NKAIN3: variants seen among roughly 807,000 people sequenced by gnomAD.
The protein encoded by NKAIN3 is sodium/potassium-transporting ATPase subunit beta-1-interacting protein 3.
NKAIN3 carries 25 observed loss-of-function variants against 30.2 expected under a neutral mutation model. That is an observed-to-expected ratio of 0.83 (90% CI 0.60 to 1.16). The LOEUF is 1.16. Ranked by LOEUF, NKAIN3 falls within the 50% of genes most tolerant of loss-of-function variation. The probability of loss-of-function intolerance (pLI) is 0.00; values close to 1 mark genes in which losing one functional copy is unlikely to be tolerated. For missense variants in NKAIN3, 225 were observed against 254.1 expected (o/e 0.89, Z 0.78); for synonymous variants, 91 against 89.6 (o/e 1.02, Z -0.09).
Position 62,811,105 on chromosome 8 carries a change from T to C in NKAIN3, c.471+63976T>C, listed in dbSNP as rs117682961. On this transcript the variant is annotated intron_variant, in intron 4 of 6. Coordinates refer to ENST00000623646, the MANE Select transcript of NKAIN3 (RefSeq NM_001304533.3). ...ACAATCCCTACTCTGTTCTCTGTTG[T>C]TATATGTTGTCATCTCAAGAATTTT... Among the ~76,000 whole-genome samples, 1,382 of 152,214 alleles carry C rather than the reference T, an allele frequency of 9.1e-3. 12 individuals carry two copies. The highest frequency in any genetic ancestry group is 0.015 in the Non-Finnish European group (988 of 67,996).
At chr8:62,958,616 A>G (rs1374481648) in intron 6 of NKAIN3, among the ~76,000 whole-genome samples, 2 of 152,228 alleles carry the variant, frequency 1.3e-5, no homozygotes, top group Non-Finnish European at 2.9e-5. Context: ...GAAGAGGGTT[A>G]GCAAAAGCAG....
At chr8:62,642,982 G>A (rs1812353371) in intron 3 of NKAIN3, among the ~76,000 whole-genome samples, 1 of 152,032 alleles carries the variant, frequency 6.6e-6, no homozygotes, top group African/African-American at 2.4e-5. Flanking sequence ...GACACCTTCA[G>A]GTTTTTGTTC....
At chr8:62,816,647 C>T (rs1368727429) in intron 4 of NKAIN3, among the ~76,000 whole-genome samples, 1 of 152,070 alleles carries the variant, frequency 6.6e-6, no homozygotes, top group Non-Finnish European at 1.5e-5. Context: ...GCTATGTGGG[C>T]TTGGTGCTGG....
intron 4 of NKAIN3, among the ~76,000 whole-genome samples, chr8:62,877,084 C>G (rs1820821626): frequency 6.6e-6 from 1 of 151,972 alleles, no homozygotes; most frequent in South Asian, 2.1e-4. Context: ...AACCAGCAAT[C>G]CTTTATTCAT....
intron 3 of NKAIN3, among the ~76,000 whole-genome samples, chr8:62,609,264 G>T (rs1563481886): frequency 6.6e-6 from 1 of 152,170 alleles, no homozygotes; most frequent in East Asian, 1.9e-4. Context: ...AGCTTGAGGT[G>T]CTTTACAGAA....
chr8:62,991,758 T>A (rs766627617), intron 5 of NKAIN3, among the ~76,000 whole-genome samples: 1 of 152,192 alleles, frequency 6.6e-6, no homozygotes, highest in African/African-American at 2.4e-5. Flanking sequence ...ATTTTGGTGA[T>A]GAAAAATAAA....
At chr8:62,283,941 A>C (rs1392718853) in intron 1 of NKAIN3, among the ~76,000 whole-genome samples, 1 of 152,222 alleles carries the variant, frequency 6.6e-6, no homozygotes, top group African/African-American at 2.4e-5. Flanking sequence ...GAAATCATAC[A>C]ACAGGCATCA....
chr8:62,863,781 A>C, intron 4 of NKAIN3: 2 of 1,611,336 alleles, frequency 1.2e-6, no homozygotes, highest in Admixed American at 3.3e-5. Context: ...ACAGTAGAGA[A>C]GTGCCCCCAT....
At position 62,454,630 on chromosome 8, in the gene NKAIN3, C is replaced by A. The variant is rs544195655; in HGVS notation, c.55-124909C>A. The stretch of plus-strand genomic sequence containing the variant: ...TTCTCAGCATCATTATATCTAGAAT[C>A]ATGAGTAACATAGCAATTCAGCATT... On this transcript the variant is annotated intron_variant, in intron 1 of 6. Transcript: ENST00000623646. Among the ~76,000 whole-genome samples the A allele has an allele frequency of 3.9e-5, 6 of 152,250 alleles. No homozygotes were observed. The South Asian group carries it at 1.2e-3, about 32-fold the overall frequency.
At chr8:62,493,149 A>G (rs1282683376) in intron 1 of NKAIN3, among the ~76,000 whole-genome samples, 1 of 152,102 alleles carries the variant, frequency 6.6e-6, no homozygotes, top group Non-Finnish European at 1.5e-5. Context: ...GGTATTGCCT[A>G]GGTTATCTTC....
intron 1 of NKAIN3, among the ~76,000 whole-genome samples, chr8:62,270,505 C>T (rs1812746338): frequency 6.6e-6 from 1 of 151,952 alleles, no homozygotes; most frequent in African/African-American, 2.4e-5. Context: ...TTTATGAGAA[C>T]TATGTGGAAT....
chr8:62,990,188 T>C lies in NKAIN3; in HGVS notation c.533-9043T>C, dbSNP rs760617998. The C allele has an allele frequency of 4.7e-6, 7 of 1,487,384 alleles. No individual in the cohort carries two copies. The highest frequency in any genetic ancestry group is 6.5e-6 in the Non-Finnish European group (7 of 1,085,130). 92.1% of individuals were successfully genotyped at this position (1,487,384 alleles called of 1,614,324 possible). On this transcript the variant is annotated intron_variant, in intron 5 of 5. Coordinates refer to the NKAIN3 transcript ENST00000519049. Reference sequence around the variant, plus strand: ...CTCAGATTCATGTGATCTGCAAGTATGCAAACATCTTTTTATCCAGATGCT... The same window carrying C: ...CTCAGATTCATGTGATCTGCAAGTACGCAAACATCTTTTTATCCAGATGCT...
chr8:62,465,112 C>G (rs1223361878), intron 1 of NKAIN3, among the ~76,000 whole-genome samples: 1 of 152,102 alleles, frequency 6.6e-6, no homozygotes, highest in Non-Finnish European at 1.5e-5. Context: ...TATTCAAGCT[C>G]AAACAGTTTT....
At chr8:62,297,260 G>C (rs143185741) in intron 1 of NKAIN3, among the ~76,000 whole-genome samples, 1,788 of 152,232 alleles carry the variant, frequency 0.012, 32 homozygotes, top group African/African-American at 0.041. Context: ...ACATAGGCAT[G>C]GGCAAGCACT....
chr8:62,784,726 A>G (rs1817461707), intron 4 of NKAIN3, among the ~76,000 whole-genome samples: 1 of 152,146 alleles, frequency 6.6e-6, no homozygotes, highest in South Asian at 2.1e-4. Context: ...TCCTTCAGAA[A>G]ATAGAGCATG....
intron 3 of NKAIN3, among the ~76,000 whole-genome samples, chr8:62,610,235 C>T (rs934187137): frequency 4.0e-5 from 6 of 151,760 alleles, no homozygotes; most frequent in African/African-American, 1.5e-4. Context: ...ATCCCAGCTA[C>T]TTGGGAGGCT....
chr8:62,918,082 AATAGTT>A (rs1210743786), intron 4 of NKAIN3, among the ~76,000 whole-genome samples: 1 of 152,218 alleles, frequency 6.6e-6, no homozygotes, highest in Non-Finnish European at 1.5e-5. Context: ...TAAACTTTAA[AATAGTT>A]ATAGTTAATT....
chr8:62,820,116 G>C (rs1431564543), intron 4 of NKAIN3, among the ~76,000 whole-genome samples: 1 of 152,064 alleles, frequency 6.6e-6, no homozygotes, highest in Non-Finnish European at 1.5e-5. Context: ...AAACTAACAA[G>C]TTCTTCCCCA....
chr8:62,371,471 C>T (rs1816906855), intron 1 of NKAIN3, among the ~76,000 whole-genome samples: 1 of 151,798 alleles, frequency 6.6e-6, no homozygotes. Flanking sequence ...GTTTTCTACC[C>T]TCCAGACTTA....
Sources: gnomAD v4.1 joint callset for allele counts (sites outside exome capture counted in the v4.1 genomes callset) on GRCh38, gnomAD v4.1.1 for gene constraint, MANE v1.5 for transcripts, NCBI Gene and HGNC (gene_info 2026-07-23, HGNC 2026-07-21) for gene names.